Variants in STAU1 observed in about 807,000 individuals in gnomAD.
STAU1 encodes staufen double-stranded RNA binding protein 1, also known as double-stranded RNA-binding protein Staufen homolog 1.
STAU1 carries 13 observed loss-of-function variants against 62.9 expected under a neutral mutation model. The ratio of observed to expected loss-of-function variants is 0.21; its 90% CI spans 0.13 to 0.33. The LOEUF (loss-of-function observed/expected upper bound fraction) is 0.33, where lower values mean the gene tolerates loss of function less well. Ranked by LOEUF, STAU1 falls within the 10% of genes least tolerant of loss-of-function variation. The probability of loss-of-function intolerance (pLI) is 1.00; values close to 1 mark genes in which losing one functional copy is unlikely to be tolerated. For synonymous variants in STAU1, 269 were observed against 265.1 expected (o/e 1.01, Z -0.14); for missense variants, 571 against 712.1 (o/e 0.80, Z 2.25).
At chr20:49,147,241 T>C (rs1206881980) in intron 5 of STAU1, among the ~76,000 whole-genome samples, 1 of 152,216 alleles carries the variant, frequency 6.6e-6, no homozygotes, top group Non-Finnish European at 1.5e-5. Flanking sequence ...TTTTTGCTGA[T>C]ATTAATGTTA....
chr20:49,202,243 A>AAAGAAAGAAAGAAAGAAAGC, the STAU1 span, among the ~76,000 whole-genome samples: 1 of 147,332 alleles, frequency 6.8e-6, no homozygotes, highest in Non-Finnish European at 1.5e-5. Context: ...AGAAAGAAAG[A>AAAGAAAGAAAGAAAGAAAGC]AAGAAAGAAA....
chr20:49,114,064 C>G lies in STAU1; in HGVS notation c.*814G>C, dbSNP rs1181238214. 5 of 152,612 alleles carry G rather than the reference C, an allele frequency of 3.3e-5. No individual in the cohort carries two copies. Among genetic ancestry groups the G allele is most frequent in the Non-Finnish European group, 5.9e-5 (4 of 68,040 alleles). The allele number at this position is 152,612 out of a possible 1,614,324, so 9.5% of individuals were successfully genotyped here. A position where few individuals can be genotyped will look rare whatever the true frequency, so the allele number is the denominator to read the frequency against. On this transcript the variant is annotated 3_prime_UTR_variant, in exon 14 of 14. Coordinates refer to ENST00000371856, the MANE Select transcript of STAU1 (RefSeq NM_017453.4). ...GGTTTTTGAAAGTCCAGGACTGTTT[C>G]AGCTGAACCAGAGGGCACACAATTT... is the stretch of plus-strand genomic sequence containing the variant.
intron 1 of STAU1, among the ~76,000 whole-genome samples, chr20:49,174,530 G>A (rs1379874402): frequency 6.6e-6 from 1 of 151,540 alleles, no homozygotes; most frequent in Non-Finnish European, 1.5e-5. Flanking sequence ...GACCAGCCTG[G>A]CCAACATGAT....
rs377762463 is a variant in STAU1 at position 49,133,096 on chromosome 20, C to G, written c.609+2737G>C. 1.1e-4 allele frequency among the ~76,000 whole-genome samples: 17 copies of G among 152,268 alleles called. No individual in the cohort carries two copies. The East Asian group carries it at 2.9e-3, about 26-fold the overall frequency. On this transcript the variant is annotated intron_variant, in intron 6 of 13. Transcript: ENST00000371856. ...GATAAATTACTTTAAAAGATCACCA[C>G]GAGAGGGCACTCCTACAATTCTTTT...
chr20:49,126,020 A>G (rs1257832989), intron 6 of STAU1, among the ~76,000 whole-genome samples: 1 of 151,974 alleles, frequency 6.6e-6, no homozygotes, highest in Non-Finnish European at 1.5e-5. Context: ...CATGAACAGA[A>G]AGTTAGCTGC....
At chr20:49,115,715 T>C in intron 13 of STAU1, 67 bp downstream of exon 13, 1 of 1,376,224 alleles carries the variant, frequency 7.3e-7, no homozygotes, top group East Asian at 2.3e-5. Flanking sequence ...GCAGATAGTG[T>C]AAACTCAACA....
rs1471369959 is a variant in STAU1, at chr20:49,163,960, A to G, written c.205+2037T>C. Among the ~76,000 whole-genome samples, 4 of 152,126 alleles carry G rather than the reference A, an allele frequency of 2.6e-5. No individual in the cohort carries two copies. In the East Asian group the frequency reaches 7.8e-4, roughly 30 times the overall value. On this transcript the variant is annotated intron_variant, in intron 3 of 13. Transcript: ENST00000371856. Reference sequence around the variant, plus strand: ...TTAAATTGGCCTCGCAGCCTGGCACAATGACTCACACCTGTAATTCCAGCA... The same window carrying G: ...TTAAATTGGCCTCGCAGCCTGGCACGATGACTCACACCTGTAATTCCAGCA...
At chr20:49,205,194 G>C in the STAU1 span, among the ~76,000 whole-genome samples, 3 of 152,094 alleles carry the variant, frequency 2.0e-5, no homozygotes, top group Non-Finnish European at 4.4e-5. Flanking sequence ...TATTATACTG[G>C]AGGCAGAAGG....
At chr20:49,173,113 G>C (rs2093618284) in intron 2 of STAU1, among the ~76,000 whole-genome samples, 2 of 150,726 alleles carry the variant, frequency 1.3e-5, no homozygotes, top group African/African-American at 4.9e-5. Flanking sequence ...CAAAGTGCTG[G>C]GATTACAGGC....
intron 2 of STAU1, among the ~76,000 whole-genome samples, chr20:49,166,610 T>G (rs1223676208): frequency 6.6e-6 from 1 of 152,150 alleles, no homozygotes; most frequent in East Asian, 1.9e-4. Context: ...AATGCAAATT[T>G]GAAAGTATGG....
chr20:49,144,359 C>A (rs2093077023), intron 5 of STAU1, among the ~76,000 whole-genome samples: 1 of 151,854 alleles, frequency 6.6e-6, no homozygotes, highest in South Asian at 2.1e-4. Flanking sequence ...GAAGTCCTTT[C>A]TGTTGAATGA....
intron 1 of STAU1, among the ~76,000 whole-genome samples, chr20:49,186,561 C>G (rs1258161713): frequency 6.6e-6 from 1 of 152,028 alleles, no homozygotes; most frequent in Non-Finnish European, 1.5e-5. Flanking sequence ...ACACTCCTTA[C>G]TCATATAAAA....
At chr20:49,150,945 C>A (rs1440089077) in intron 5 of STAU1, among the ~76,000 whole-genome samples, 1 of 152,126 alleles carries the variant, frequency 6.6e-6, no homozygotes, top group Non-Finnish European at 1.5e-5. Flanking sequence ...TGACAGCAAG[C>A]ACCAACTTAC....
chr20:49,128,300 C>T (rs975613181), intron 6 of STAU1, among the ~76,000 whole-genome samples: 7 of 152,080 alleles, frequency 4.6e-5, no homozygotes, highest in Admixed American at 2.0e-4. Flanking sequence ...CACTACAGCC[C>T]GGGTACCAAG....
At chr20:49,174,789 T>C (rs924398356) in intron 1 of STAU1, among the ~76,000 whole-genome samples, 1 of 152,160 alleles carries the variant, frequency 6.6e-6, no homozygotes, top group South Asian at 2.1e-4. Flanking sequence ...TACAAAAAAT[T>C]AGCCAGGCGT....
At chr20:49,126,566 T>A (rs1212531671) in intron 6 of STAU1, among the ~76,000 whole-genome samples, 1 of 5,280 alleles carries the variant, frequency 1.9e-4, no homozygotes, top group South Asian at 2.9e-3. Flanking sequence ...AAACCTCGTC[T>A]CAAAAAGCAA....
chr20:49,163,320 C>T (rs1409884234), intron 3 of STAU1, among the ~76,000 whole-genome samples: 2 of 151,780 alleles, frequency 1.3e-5, no homozygotes, highest in Non-Finnish European at 2.9e-5. Flanking sequence ...TCTAGTCAGA[C>T]CCTGTCTCCT....
intron 2 of STAU1, among the ~76,000 whole-genome samples, chr20:49,173,981 T>C (rs1341268316): frequency 6.6e-6 from 1 of 152,228 alleles, no homozygotes; most frequent in African/African-American, 2.4e-5. Flanking sequence ...TCTCTATATT[T>C]AAAGAACATA....
intron 1 of STAU1, among the ~76,000 whole-genome samples, chr20:49,177,417 G>A (rs1435414192): frequency 1.3e-5 from 2 of 152,046 alleles, no homozygotes; most frequent in East Asian, 1.9e-4. Flanking sequence ...GTGGACTCAC[G>A]CCTATAATCC....
Sources: allele counts gnomAD v4.1 joint callset (sites outside exome capture counted in the v4.1 genomes callset), GRCh38; gene constraint gnomAD v4.1.1; transcripts MANE v1.5; gene names NCBI Gene and HGNC (gene_info 2026-07-23, HGNC 2026-07-21).